IQGAP1: variants seen among roughly 807,000 people sequenced by gnomAD.
IQGAP1 encodes the protein IQ motif containing GTPase activating protein 1.
IQGAP1 carries 66 observed loss-of-function variants against 215.6 expected under a neutral mutation model. The observed-to-expected ratio is 0.31, with a 90% CI of 0.25 to 0.38. The LOEUF (loss-of-function observed/expected upper bound fraction) is 0.38. Among genes scored for constraint, IQGAP1 ranks in the 10% least tolerant of loss-of-function variants. The pLI is 1.00. For synonymous variants in IQGAP1, 772 were observed against 728.7 expected, an observed-to-expected ratio of 1.06 and a Z score of -0.96; for missense variants, 1,712 against 1,997.1, an observed-to-expected ratio of 0.86 and a Z score of 2.72.
Position 90,441,496 on chromosome 15 carries a change from T to G in IQGAP1, c.650-10T>G. On this transcript the variant is annotated splice_polypyrimidine_tract_variant and intron_variant, in intron 7 of 37. Transcript: ENST00000268182. ...TTTTTGTTGGTTTGTTTTTTTGTTTTTTTTTTTAGTACATGCTGCTGTTAT... is the reference window on the plus strand; with the variant it reads ...TTTTTGTTGGTTTGTTTTTTTGTTTGTTTTTTTAGTACATGCTGCTGTTAT... 6.3e-7 allele frequency: 1 copy of G among 1,598,216 alleles called. No homozygotes were observed. Among genetic ancestry groups the G allele is most frequent in the Non-Finnish European group, 8.5e-7 (1 of 1,174,952 alleles).
intron 2 of IQGAP1, among the ~76,000 whole-genome samples, chr15:90,424,438 A>G (rs1280886292): frequency 6.6e-6 from 1 of 152,254 alleles, no homozygotes; most frequent in Admixed American, 6.5e-5. Context: ...GAAGCTTATC[A>G]TCGAGTATAG....
At chr15:90,418,388 A>C (rs1965083558) in intron 2 of IQGAP1, among the ~76,000 whole-genome samples, 1 of 151,316 alleles carries the variant, frequency 6.6e-6, no homozygotes, top group African/African-American at 2.4e-5. Context: ...GGAGTTGGAG[A>C]CCAGCCTGAG....
chr15:90,467,370 C>G (rs1840214094), intron 17 of IQGAP1, 80 bp from the exon 18 acceptor site: 1 of 1,406,546 alleles, frequency 7.1e-7, no homozygotes, highest in Non-Finnish European at 9.6e-7. Context: ...GTGAGACTAA[C>G]TAATAATCCT....
At chr15:90,460,749 A>G (rs998413831) in intron 15 of IQGAP1, among the ~76,000 whole-genome samples, 10 of 152,164 alleles carry the variant, frequency 6.6e-5, no homozygotes, top group African/African-American at 2.4e-4. Context: ...TTGTAATCCC[A>G]GCACGTTGGG....
In IQGAP1 at chr15:90,440,588, A is replaced by G; in HGVS notation, c.622A>G (p.Asn208Asp). ...AFSKIGGILA[N>D]ELSVDEAALH... is the part of the protein sequence containing the mutation. ...TAGCAAGATTGGGGGCATCTTGGCT[A>G]ATGAACTGTCAGTGGATGAAGCCGC... is the stretch of plus-strand genomic sequence containing the variant. The change falls in exon 7 of 38, where the codon AAT becomes GAT. Residue 208 changes from asparagine to aspartate, a missense_variant. Around this residue, in one of 2 missense-constraint regions of IQGAP1, gnomAD observed 1,021 missense variants for 1,074.2 expected, o/e 0.95. Coordinates refer to ENST00000268182, the MANE Select transcript of IQGAP1 (RefSeq NM_003870.4). 2 of 1,566,052 alleles carry G rather than the reference A, an allele frequency of 1.3e-6. No homozygotes were observed. The highest frequency in any genetic ancestry group is 8.7e-7 in the Non-Finnish European group (1 of 1,153,614).
Position 90,472,908 on chromosome 15 carries a change from C to T in IQGAP1, c.2247C>T (p.Ile749=). ...TGTGGCTGGCCAATGAAGGCCTGAT[C>T]ACCAGGCTGCAGGCTCGCTGCCGTG... is the stretch of plus-strand genomic sequence containing the variant. The part of the protein sequence containing the change: ...EQLWLANEGL[I]TRLQARCRGY... Residue 749 remains isoleucine, a synonymous_variant, in exon 19 of 38, where the codon ATC becomes ATT. Coordinates refer to ENST00000268182, the MANE Select transcript of IQGAP1 (RefSeq NM_003870.4). 2 of 1,613,928 alleles carry T rather than the reference C, an allele frequency of 1.2e-6. No individual in the cohort carries two copies. Among genetic ancestry groups the T allele is most frequent in the Non-Finnish European group, 1.7e-6 (2 of 1,179,900 alleles).
In IQGAP1 at chr15:90,474,583, A is replaced by T; in HGVS notation, c.2674A>T (p.Met892Leu). 6.2e-7 allele frequency: 1 copy of T among 1,614,094 alleles called. No individual in the cohort carries two copies. Among genetic ancestry groups the T allele is most frequent in the Non-Finnish European group, 8.5e-7 (1 of 1,179,936 alleles). The change falls in exon 23 of 38, where the codon ATG becomes TTG. Residue 892 changes from methionine to leucine, a missense_variant. Around this residue, in one of 2 missense-constraint regions of IQGAP1, gnomAD observed 1,021 missense variants for 1,074.2 expected, o/e 0.95. Transcript: ENST00000268182. ...DFQEELDLMK[M>L]REEVITLIRS... ...TCAGGAGGAGCTTGACCTTATGAAGATGCGGGAAGAGGTTATCACCCTCAT... is the reference window on the plus strand; with the variant it reads ...TCAGGAGGAGCTTGACCTTATGAAGTTGCGGGAAGAGGTTATCACCCTCAT...
chr15:90,433,737 A>G lies in IQGAP1; in HGVS notation c.409A>G (p.Thr137Ala), dbSNP rs1410483989. 1.2e-6 allele frequency: 2 copies of G among 1,603,212 alleles called. No homozygotes were observed. Among genetic ancestry groups the G allele is most frequent in the Non-Finnish European group, 1.7e-6 (2 of 1,171,912 alleles). Residue 137 changes from threonine to alanine, a missense_variant, in exon 5 of 38, where the codon ACA (threonine) becomes GCA (alanine). Coordinates refer to ENST00000268182, the MANE Select transcript of IQGAP1 (RefSeq NM_003870.4). ...GLPKIFYPET[T>A]DIYDRKNMPR... ...TCCCTAGATTTTTTACCCAGAAACT[A>G]CAGATATCTATGATCGAAAGAACAT...
At chr15:90,415,650 C>G (rs1965035188) in intron 2 of IQGAP1, among the ~76,000 whole-genome samples, 1 of 152,176 alleles carries the variant, frequency 6.6e-6, no homozygotes, top group South Asian at 2.1e-4. Flanking sequence ...TCACATCTTT[C>G]CCACTGCCCT....
chr15:90,439,263 T>C, intron 5 of IQGAP1, 69 bp from the exon 6 acceptor site: 1 of 1,110,864 alleles, frequency 9.0e-7, no homozygotes, highest in Non-Finnish European at 1.4e-6. Flanking sequence ...TCATGCTGAT[T>C]TTCGCCTTTT....
chr15:90,411,330 A>G lies in IQGAP1; in HGVS notation c.156-14780A>G, dbSNP rs568031961. Among the ~76,000 whole-genome samples the G allele has an allele frequency of 1.2e-4, 18 of 151,694 alleles. No individual in the cohort carries two copies. In the South Asian group the frequency reaches 2.7e-3, roughly 23 times the overall value. On this transcript the variant is annotated intron_variant, in intron 2 of 37. Coordinates refer to ENST00000268182, the MANE Select transcript of IQGAP1 (RefSeq NM_003870.4). ...GTCTCACTCTGTTACCCAGGCTGGAATGCAGTGGTGTGATCTGGGCTCACT... is the reference window on the plus strand; with the variant it reads ...GTCTCACTCTGTTACCCAGGCTGGAGTGCAGTGGTGTGATCTGGGCTCACT...
At chr15:90,426,384 T>C (rs1306001867) in intron 3 of IQGAP1, 118 bp downstream of exon 3, 10 of 1,117,812 alleles carry the variant, frequency 8.9e-6, no homozygotes, top group Middle Eastern at 5.9e-4. Flanking sequence ...CAACAAATTA[T>C]AGCCTTTAAA....
At chr15:90,404,393 T>C (rs1315902449) in intron 2 of IQGAP1, among the ~76,000 whole-genome samples, 3 of 152,246 alleles carry the variant, frequency 2.0e-5, no homozygotes, top group African/African-American at 7.2e-5. Context: ...TTGGATTATC[T>C]AATTATGAGT....
At chr15:90,486,514 T>C in intron 31 of IQGAP1, 1 of 195,508 alleles carries the variant, frequency 5.1e-6, no homozygotes, top group Non-Finnish European at 1.0e-5. Context: ...CAGTCATAGC[T>C]CACTGCAGCC....
chr15:90,426,632 A>G (rs901096699), intron 3 of IQGAP1, among the ~76,000 whole-genome samples: 2 of 152,166 alleles, frequency 1.3e-5, no homozygotes, highest in African/African-American at 4.8e-5. Context: ...AGAAGGTAGA[A>G]GAAATAACTA....
chr15:90,501,901 T>A lies in IQGAP1; in HGVS notation c.*1793T>A, dbSNP rs192452745. ...CTCCTTTAATAAAATGTGTCAGTAA[T>A]TTTAAGGTTTATAGTTCCCTCAACA... is the stretch of plus-strand genomic sequence containing the variant. On this transcript the variant is annotated 3_prime_UTR_variant, in exon 38 of 38. Transcript: ENST00000268182. 14 of 152,322 alleles carry A rather than the reference T, an allele frequency of 9.2e-5. No homozygotes were observed. In the East Asian group the frequency reaches 2.7e-3, roughly 29 times the overall value. 9.4% of individuals were successfully genotyped at this position (152,322 alleles called of 1,614,324 possible).
intron 30 of IQGAP1, 110 bp from the exon 31 acceptor site, chr15:90,485,920 A>G: frequency 1.3e-6 from 1 of 745,310 alleles, no homozygotes; most frequent in Non-Finnish European, 2.2e-6. Context: ...GTTTCTTTGA[A>G]TATAGGAACT....
intron 31 of IQGAP1, chr15:90,486,407 A>G (rs1596291588): frequency 3.6e-6 from 1 of 276,904 alleles, no homozygotes; most frequent in East Asian, 7.5e-5. Flanking sequence ...AAAATTGCAG[A>G]TACATAAATT....
At chr15:90,467,632 A>G (rs1965849904) in intron 18 of IQGAP1, 40 bp downstream of exon 18, 4 of 1,568,994 alleles carry the variant, frequency 2.5e-6, no homozygotes, top group Non-Finnish European at 2.6e-6. Flanking sequence ...GCTGAGAGAA[A>G]GTGTTTTCAA....
Sources: allele counts gnomAD v4.1 joint callset (sites outside exome capture counted in the v4.1 genomes callset), GRCh38; gene constraint gnomAD v4.1.1; regional missense constraint gnomAD v4.1.1; transcripts MANE v1.5; gene names NCBI Gene and HGNC (gene_info 2026-07-23, HGNC 2026-07-21).